The following OR5B3 variants were observed in gnomAD, a reference collection of about 807,000 sequenced individuals.
OR5B3 encodes the protein olfactory receptor 5B3.
For missense variants in OR5B3, 430 were observed against 375.4 expected (o/e 1.15, Z -1.20); for synonymous variants, 150 against 135.0 (o/e 1.11, Z -0.77).
intron 1 of OR5B3, among the ~76,000 whole-genome samples, chr11:58,405,089 A>G (rs918613251): frequency 2.6e-5 from 4 of 151,998 alleles, no homozygotes; most frequent in African/African-American, 9.7e-5. Flanking sequence ...TATTGTTCCC[A>G]TATTTATGTC....
intron 1 of OR5B3, among the ~76,000 whole-genome samples, chr11:58,403,763 A>G (rs759958946): frequency 3.9e-5 from 6 of 152,200 alleles, no homozygotes; most frequent in Non-Finnish European, 7.3e-5. Context: ...GTAAAAGCTG[A>G]CACATGTTGC....
chr11:58,404,732 T>C (rs1855078847), intron 1 of OR5B3, among the ~76,000 whole-genome samples: 1 of 152,148 alleles, frequency 6.6e-6, no homozygotes, highest in South Asian at 2.1e-4. Flanking sequence ...TTATTACTGT[T>C]ATTCCATAGT....
chr11:58,403,454 A>T lies in OR5B3; in HGVS notation c.-26-19T>A. 1 of 1,021,606 alleles carries T rather than the reference A, an allele frequency of 9.8e-7. No individual in the cohort carries two copies. Among genetic ancestry groups the T allele is most frequent in the African/African-American group, 1.6e-5 (1 of 62,372 alleles). 63.3% of individuals were successfully genotyped at this position (1,021,606 alleles called of 1,614,324 possible). On this transcript the variant is annotated intron_variant, in intron 1 of 1. Transcript: ENST00000641865. ...CAGGATGCTTGTAGCAATACAAAAA[A>T]GAACAGTGTGATAAATAAATTGAAT... is the stretch of plus-strand genomic sequence containing the variant.
chr11:58,406,596 C>G (rs941197243), intron 1 of OR5B3, among the ~76,000 whole-genome samples: 1 of 151,674 alleles, frequency 6.6e-6, no homozygotes, highest in Non-Finnish European at 1.5e-5. Flanking sequence ...TTGTTCATAT[C>G]TTTGGAGGAA....
intron 1 of OR5B3, among the ~76,000 whole-genome samples, chr11:58,404,670 C>A (rs1389776418): frequency 6.6e-6 from 1 of 151,958 alleles, no homozygotes; most frequent in Non-Finnish European, 1.5e-5. Flanking sequence ...CCTTGAAATC[C>A]ACATTTTAGT....
rs191131244 is a variant in OR5B3 at position 58,406,166 on chromosome 11, C to T, written c.-27+635G>A. ...TATATAAATAATGTGTGTGTATATG[C>T]GTGTGTGCGCATGTGTGTGTGTGAG... On this transcript the variant is annotated intron_variant, in intron 1 of 1. Coordinates refer to ENST00000641865, the MANE Select transcript of OR5B3 (RefSeq NM_001005469.2). 4.8e-5 allele frequency among the ~76,000 whole-genome samples: 7 copies of T among 146,662 alleles called. 1 individual carries two copies. Among genetic ancestry groups the T allele is most frequent in the South Asian group, 4.4e-4 (2 of 4,580 alleles).
At chr11:58,405,832 G>A (rs1025523600) in intron 1 of OR5B3, among the ~76,000 whole-genome samples, 10 of 151,834 alleles carry the variant, frequency 6.6e-5, no homozygotes, top group Admixed American at 6.6e-4. Flanking sequence ...TGAAAGCATA[G>A]AATCAGCCCT....
intron 1 of OR5B3, among the ~76,000 whole-genome samples, chr11:58,406,495 G>GTT (rs763475662): frequency 6.8e-6 from 1 of 146,958 alleles, no homozygotes; most frequent in Non-Finnish European, 1.5e-5. Flanking sequence ...GTTTGTTTTT[G>GTT]GTTTTTTTTT....
chr11:58,404,610 A>T (rs1388489851), intron 1 of OR5B3, among the ~76,000 whole-genome samples: 1 of 151,706 alleles, frequency 6.6e-6, no homozygotes, highest in East Asian at 1.9e-4. Context: ...CAAGCAAATG[A>T]TTGTCTGCTC....
In OR5B3 at chr11:58,402,791, T is replaced by C. The variant is rs1319153728; in HGVS notation, c.619A>G (p.Ile207Val). ...GATATCAAGATAACCAGGAGAGCTA[T>C]AAAGATATTGAAGCTCACAACATAA... ...LIYVVSFNIF[I>V]ALLVILISYT... Residue 207 changes from isoleucine to valine, a missense_variant, in exon 2 of 2, where the codon ATA becomes GTA. Ile to Val is a conservative substitution (Grantham distance 29). Transcript: ENST00000641865. The C allele has an allele frequency of 1.2e-6, 2 of 1,613,682 alleles. No individual in the cohort carries two copies. Among genetic ancestry groups the C allele is most frequent in the Non-Finnish European group, 8.5e-7 (1 of 1,179,766 alleles).
intron 1 of OR5B3, among the ~76,000 whole-genome samples, chr11:58,405,917 A>G (rs1855093846): frequency 6.6e-6 from 1 of 152,190 alleles, no homozygotes. Context: ...AGCCATGAAA[A>G]AAAGAATGAA....
chr11:58,403,038 C>G lies in OR5B3; in HGVS notation c.372G>C (p.Val124=), dbSNP rs1685160854. The G allele has an allele frequency of 6.2e-7, 1 of 1,613,946 alleles. No individual in the cohort carries two copies. Among genetic ancestry groups the G allele is most frequent in the African/African-American group, 1.3e-5 (1 of 74,924 alleles). ...TTGTGGTGTAATGTAGGGGTTTGCA[C>G]ACTGCTGCATAGCGGTCATAGGCCA... is the stretch of plus-strand genomic sequence containing the variant. ...ASMAYDRYAA[V]CKPLHYTTTM... is the part of the protein sequence containing the mutation. Residue 124 remains valine, a synonymous_variant, in exon 2 of 2, where the codon GTG becomes GTC. Transcript: ENST00000641865.
chr11:58,403,172 T>C lies in OR5B3; in HGVS notation c.238A>G (p.Met80Val). 6.2e-7 allele frequency: 1 copy of C among 1,613,994 alleles called. No homozygotes were observed. The highest frequency in any genetic ancestry group is 8.5e-7 in the Non-Finnish European group (1 of 1,179,926). ...CYSSAVTPIV[M>V]AGFLIEDKVI... Reference sequence around the variant, plus strand: ...TTGTCTTCTATAAGGAATCCAGCCATGACGATGGGAGTGACAGCTGAAGAG... The same window carrying C: ...TTGTCTTCTATAAGGAATCCAGCCACGACGATGGGAGTGACAGCTGAAGAG... Residue 80 changes from methionine (M) to valine (V), a missense_variant, in exon 2 of 2, where the codon ATG (methionine) becomes GTG (valine). Met to Val is a conservative substitution (Grantham distance 21). Transcript: ENST00000641865.
chr11:58,404,586 G>A (rs2119893975), intron 1 of OR5B3, among the ~76,000 whole-genome samples: 1 of 151,742 alleles, frequency 6.6e-6, no homozygotes, highest in African/African-American at 2.4e-5. Flanking sequence ...GTGATTTTCA[G>A]GTTGTTCTTC....
At chr11:58,405,829 A>C (rs1855091609) in intron 1 of OR5B3, among the ~76,000 whole-genome samples, 1 of 152,172 alleles carries the variant, frequency 6.6e-6, no homozygotes, top group African/African-American at 2.4e-5. Context: ...CAATGAAAGC[A>C]TAGAATCAGC....
In OR5B3 at chr11:58,402,631, G is replaced by T; in HGVS notation, c.779C>A (p.Pro260His). Residue 260 changes from proline (P) to histidine (H), a missense_variant, in exon 2 of 2, where the codon CCC becomes CAC. By Grantham distance (77) the Pro-to-His change is moderately conservative (BLOSUM62 -2). Transcript: ENST00000641865. ...TGTGTCCATGGAGTGACTGGAGCTG[G>T]GTTGTAAGTACATGAAGATAATAGT... ...YGTIIFMYLQ[P>H]SSSHSMDTDK... 6.2e-7 allele frequency: 1 copy of T among 1,613,948 alleles called. No homozygotes were observed. The highest frequency in any genetic ancestry group is 8.5e-7 in the Non-Finnish European group (1 of 1,179,914).
chr11:58,403,245 A>G lies in OR5B3; in HGVS notation c.165T>C (p.Asn55=). 1 of 1,613,990 alleles carries G rather than the reference A, an allele frequency of 6.2e-7. No individual in the cohort carries two copies. The highest frequency in any genetic ancestry group is 8.5e-7 in the Non-Finnish European group (1 of 1,179,912). Residue 55 remains asparagine (N), a synonymous_variant, in exon 2 of 2, where the codon AAT becomes AAC. Coordinates refer to ENST00000641865, the MANE Select transcript of OR5B3 (RefSeq NM_001005469.2). The part of the protein sequence containing the change: ...VLIFWDSCLH[N]PMYFFLSNLS... ...AGTTACTGAGAAAAAAGTACATGGGATTGTGGAGACAGGAATCCCAGAATA... is the reference window on the plus strand; with the variant it reads ...AGTTACTGAGAAAAAAGTACATGGGGTTGTGGAGACAGGAATCCCAGAATA...
rs752699731 is a variant in OR5B3 at position 58,402,850 on chromosome 11, C to G, written c.560G>C (p.Cys187Ser). 1 of 1,613,866 alleles carries G rather than the reference C, an allele frequency of 6.2e-7. No individual in the cohort carries two copies. The highest frequency in any genetic ancestry group is 1.1e-5 in the South Asian group (1 of 91,066). ...AAGCTCGCTAATATGTCTATCAGAG[C>G]AAGAGAGAACCATGACTGCTGGAAT... ...CDIPAVMVLS[C>S]SDRHISELVL... The change falls in exon 2 of 2, where the codon TGC becomes TCC. Residue 187 changes from cysteine (C) to serine (S), a missense_variant. Coordinates refer to ENST00000641865, the MANE Select transcript of OR5B3 (RefSeq NM_001005469.2).
rs1275636491 is a variant in OR5B3, at chr11:58,403,439, G to A, written c.-26-4C>T. On this transcript the variant is annotated splice_region_variant and splice_polypyrimidine_tract_variant and intron_variant, in intron 1 of 1. Transcript: ENST00000641865. The stretch of plus-strand genomic sequence containing the variant: ...GCTCTGGGGGACTCACAGGATGCTT[G>A]TAGCAATACAAAAAAGAACAGTGTG... 6 of 1,231,588 alleles carry A rather than the reference G, an allele frequency of 4.9e-6. No homozygotes were observed. Among genetic ancestry groups the A allele is most frequent in the African/African-American group, 4.5e-5 (3 of 66,302 alleles). The allele number at this position is 1,231,588 out of a possible 1,614,324, so 76.3% of individuals were successfully genotyped here.
Sources: allele counts gnomAD v4.1 joint callset (sites outside exome capture counted in the v4.1 genomes callset), GRCh38; gene constraint gnomAD v4.1.1; transcripts MANE v1.5; gene names NCBI Gene and HGNC (gene_info 2026-07-23, HGNC 2026-07-21).